Variants in SHCBP1L observed in about 807,000 individuals in gnomAD.
SHCBP1L encodes the protein testicular spindle-associated protein SHCBP1L.
Under a neutral mutation model 62.5 loss-of-function variants are expected in SHCBP1L, and 67 were observed. The observed-to-expected ratio is 1.07, with a 90% CI of 0.88 to 1.31. The LOEUF is 1.31. Ranked by LOEUF, SHCBP1L falls within the 40% of genes most tolerant of loss-of-function variation. SHCBP1L has a pLI of 0.00. For missense variants in SHCBP1L, 823 were observed against 809.8 expected (o/e 1.02, Z -0.20); for synonymous variants, 284 against 289.4 (o/e 0.98, Z 0.19).
chr1:182,917,540 G>A (rs1022066520), intron 6 of SHCBP1L, among the ~76,000 whole-genome samples: 27 of 152,136 alleles, frequency 1.8e-4, no homozygotes, highest in African/African-American at 5.1e-4. Flanking sequence ...CACTGCACCC[G>A]GCCAGAAATT....
chr1:182,951,178 A>T (rs1651733222), intron 2 of SHCBP1L, 140 bp downstream of exon 2: 4 of 596,206 alleles, frequency 6.7e-6, no homozygotes, highest in Non-Finnish European at 7.9e-6. Context: ...TTCTTTTTAC[A>T]CTATTAATTT....
intron 2 of SHCBP1L, among the ~76,000 whole-genome samples, chr1:182,949,644 C>T (rs978710573): frequency 6.6e-6 from 1 of 151,572 alleles, no homozygotes; most frequent in Non-Finnish European, 1.5e-5. Context: ...TTGCAGTGAG[C>T]TGAGATTGCA....
chr1:182,953,091 G>T lies in SHCBP1L; in HGVS notation c.43C>A (p.Arg15Ser), dbSNP rs375295609. The change falls in exon 1 of 10, where the codon CGC becomes AGC. Residue 15 changes from arginine to serine, a missense_variant. Arg to Ser is a moderately radical substitution (Grantham distance 110). Coordinates refer to ENST00000367547, the MANE Select transcript of SHCBP1L (RefSeq NM_030933.4). ...SKASVPADSF[R>S]TISPDRRGEK... ...CCTCGCCTGTCCGGGCTGATGGTGC[G>T]GAATGAGTCCGCGGGCACCGAGGCC... The T allele has an allele frequency of 1.9e-5, 30 of 1,568,920 alleles. No individual in the cohort carries two copies. In the African/African-American group the frequency reaches 3.1e-4, roughly 16 times the overall value.
chr1:182,928,955 G>C (rs989911981), intron 6 of SHCBP1L, among the ~76,000 whole-genome samples: 1 of 151,932 alleles, frequency 6.6e-6, no homozygotes, highest in Non-Finnish European at 1.5e-5. Context: ...GCATAAAAAA[G>C]ACAAGTACCA....
chr1:182,935,463 A>G (rs1180067581), intron 5 of SHCBP1L, among the ~76,000 whole-genome samples: 1 of 152,186 alleles, frequency 6.6e-6, no homozygotes, highest in African/African-American at 2.4e-5. Flanking sequence ...CACTGCTGGT[A>G]TATAAAAAAG....
At position 182,904,543 on chromosome 1, in the gene SHCBP1L, GT is replaced by G. The variant is rs1199746195; in HGVS notation, c.1337-114del. 4.2e-6 allele frequency: 3 copies of G among 719,022 alleles called. No individual in the cohort carries two copies. In the East Asian group the frequency reaches 8.6e-5, roughly 21 times the overall value. 44.5% of individuals were successfully genotyped at this position (719,022 alleles called of 1,614,324 possible). ...AGTTTTTCCCTGTGTGCGTGTGTGT[GT>G]GTGTGTGTGTGTGTGTGTGTGTGTG... On this transcript the variant is annotated intron_variant, in intron 7 of 9. Coordinates refer to ENST00000367547, the MANE Select transcript of SHCBP1L (RefSeq NM_030933.4).
In SHCBP1L at chr1:182,900,002, A is replaced by T; in HGVS notation, c.1943T>A (p.Ile648Asn). 6.2e-7 allele frequency: 1 copy of T among 1,608,148 alleles called. No individual in the cohort carries two copies. Among genetic ancestry groups the T allele is most frequent in the South Asian group, 1.1e-5 (1 of 89,432 alleles). ...NKIEANVKGD[I>N]RIVTS ...GACGCTTTAACTTGTGACTATTCTG[A>T]TATCCCCCTTGACGTTTGCTTCTAT... is the stretch of plus-strand genomic sequence containing the variant. The change falls in exon 10 of 10, where the codon ATC becomes AAC. Residue 648 changes from isoleucine to asparagine, a missense_variant. Transcript: ENST00000367547.
intron 5 of SHCBP1L, 93 bp from the exon 6 acceptor site, chr1:182,929,845 T>C (rs1039646804): frequency 3.9e-6 from 3 of 775,516 alleles, no homozygotes; most frequent in East Asian, 6.0e-5. Flanking sequence ...CTAAGCATCT[T>C]TGAGAAATGT....
intron 6 of SHCBP1L, among the ~76,000 whole-genome samples, chr1:182,909,233 G>A (rs1284715560): frequency 6.6e-6 from 1 of 152,164 alleles, no homozygotes; most frequent in Non-Finnish European, 1.5e-5. Flanking sequence ...AAGTGCCAGT[G>A]GAGTCACTAG....
chr1:182,901,896 AG>A (rs1166901950), intron 9 of SHCBP1L, among the ~76,000 whole-genome samples: 2 of 152,208 alleles, frequency 1.3e-5, no homozygotes, highest in Non-Finnish European at 2.9e-5. Context: ...ATCAGAAAGC[AG>A]AGTGGGCCTC....
At chr1:182,915,161 CAAAAAAAAAAAAAAAAA>C (rs371432299) in intron 6 of SHCBP1L, among the ~76,000 whole-genome samples, 11 of 31,908 alleles carry the variant, frequency 3.4e-4, no homozygotes, top group East Asian at 1.7e-3. Flanking sequence ...GACTCTGTCT[CAAAAAAAAAAAAAAAAA>C]AAAAAAAAAA....
intron 6 of SHCBP1L, among the ~76,000 whole-genome samples, chr1:182,906,449 G>A (rs77136890): frequency 1.4e-5 from 2 of 138,968 alleles, no homozygotes; most frequent in South Asian, 2.3e-4. Flanking sequence ...TTTTTTTTCC[G>A]AGATCGAATT....
Position 182,939,360 on chromosome 1 carries a change from G to A in SHCBP1L, c.892C>T (p.Pro298Ser). 6.2e-7 allele frequency: 1 copy of A among 1,613,882 alleles called. No homozygotes were observed. Among genetic ancestry groups the A allele is most frequent in the Non-Finnish European group, 8.5e-7 (1 of 1,179,938 alleles). The stretch of plus-strand genomic sequence containing the variant: ...GTTTTTTTAAAACGTTGTGCGATAG[G>A]ACCAGGTATTGTTCCATCCTGTATA... ...CDIQDGTIPG[P>S]IAQRFKKTLE... The change falls in exon 5 of 10, where the codon CCT becomes TCT. Residue 298 changes from proline (P) to serine (S), a missense_variant. Transcript: ENST00000367547.
chr1:182,903,275 G>C (rs3130493), intron 8 of SHCBP1L, 114 bp from the exon 9 acceptor site: 2 of 786,734 alleles, frequency 2.5e-6, no homozygotes, highest in Non-Finnish European at 3.7e-6. Context: ...ATTGAGTTAC[G>C]TGCAAATACG....
chr1:182,915,110 T>G (rs1285623679), intron 6 of SHCBP1L, among the ~76,000 whole-genome samples: 2 of 126,346 alleles, frequency 1.6e-5, no homozygotes, highest in Non-Finnish European at 3.1e-5. Context: ...TGCAGTGAGC[T>G]GAGATCGCAC....
chr1:182,925,844 G>T (rs1268095140), intron 6 of SHCBP1L, among the ~76,000 whole-genome samples: 1 of 152,170 alleles, frequency 6.6e-6, no homozygotes, highest in African/African-American at 2.4e-5. Flanking sequence ...GCAGATCATT[G>T]TATATACATA....
At chr1:182,912,606 T>G (rs1650224551) in intron 6 of SHCBP1L, among the ~76,000 whole-genome samples, 1 of 151,730 alleles carries the variant, frequency 6.6e-6, no homozygotes, top group Non-Finnish European at 1.5e-5. Context: ...CATTGCAACC[T>G]CTGCCTCCTG....
In SHCBP1L at chr1:182,952,860, G is replaced by C. The variant is rs1206868429; in HGVS notation, c.274C>G (p.Pro92Ala). 3 of 1,605,978 alleles carry C rather than the reference G, an allele frequency of 1.9e-6. No individual in the cohort carries two copies. The highest frequency in any genetic ancestry group is 1.7e-4 in the Middle Eastern group (1 of 6,028). ...GEAAAAAAEE[P>A]LLPVPEDEEE... is the part of the protein sequence containing the mutation. ...TCATCCTCAGGCACTGGCAGCAGGG[G>C]CTCCTCCGCCGCCGCCGCCGCCGCC... The change falls in exon 1 of 10, where the codon CCC (proline) becomes GCC (alanine). Residue 92 changes from proline (P) to alanine (A), a missense_variant. By Grantham distance (27) the Pro-to-Ala change is conservative. Transcript: ENST00000367547.
intron 5 of SHCBP1L, among the ~76,000 whole-genome samples, chr1:182,936,814 C>T (rs1372115752): frequency 5.3e-5 from 8 of 151,892 alleles, no homozygotes; most frequent in East Asian, 3.9e-4. Context: ...CTTTGGAGGT[C>T]GAGGTGGGAG....
Sources: allele counts gnomAD v4.1 joint callset (sites outside exome capture counted in the v4.1 genomes callset), GRCh38; gene constraint gnomAD v4.1.1; transcripts MANE v1.5; gene names NCBI Gene and HGNC (gene_info 2026-07-23, HGNC 2026-07-21).